The following GSPT1 variants were observed in gnomAD, a reference collection of about 807,000 sequenced individuals.
The protein encoded by GSPT1 is G1 to S phase transition 1.
A neutral mutation model predicts 72.5 loss-of-function variants in GSPT1; 20 were observed. The observed-to-expected ratio is 0.28, with a 90% CI of 0.19 to 0.40. GSPT1 has a LOEUF of 0.40. Ranked by LOEUF, GSPT1 falls within the 10% of genes least tolerant of loss-of-function variation. The pLI is 1.00. For missense variants in GSPT1, 580 were observed against 811.9 expected (o/e 0.71, Z 3.47); for synonymous variants, 334 against 293.5 (o/e 1.14, Z -1.41).
chr16:11,911,488 A>G (rs1038249971), intron 1 of GSPT1, among the ~76,000 whole-genome samples: 2 of 151,574 alleles, frequency 1.3e-5, no homozygotes, highest in African/African-American at 4.8e-5. Context: ...TGGGCTCAAG[A>G]GATCCTCCCA....
chr16:11,887,541 T>A (rs767855420), intron 7 of GSPT1, 29 bp downstream of exon 7: 5 of 1,587,654 alleles, frequency 3.1e-6, no homozygotes, highest in Non-Finnish European at 4.3e-6. Context: ...CTAACAAATA[T>A]ACAGATGGAC....
At chr16:11,891,188 C>A in intron 5 of GSPT1, 49 bp from the exon 6 acceptor site, 1 of 965,812 alleles carries the variant, frequency 1.0e-6, no homozygotes, top group Non-Finnish European at 1.5e-6. Flanking sequence ...TCACAAATTA[C>A]TCAGTGGAAT....
Position 11,891,079 on chromosome 16 carries a change from C to A in GSPT1, c.759G>T (p.Glu253Asp), listed in dbSNP as rs2054252557. Reference protein sequence around the residue: ...TLEKYEREAKEKNRETWYLSW... With the variant: ...TLEKYEREAKDKNRETWYLSW... The stretch of plus-strand genomic sequence containing the variant: ...TACTATACCAAGTTTCTCTGTTTTT[C>A]TCTTTAGCTTCTCTTTCATACTTTT... Residue 253 changes from glutamate (E) to aspartate (D), a missense_variant, in exon 6 of 15, where the codon GAG becomes GAT. Physicochemically the swap from Glu to Asp is conservative, Grantham distance 45. Transcript: ENST00000434724. 6.7e-7 allele frequency: 1 copy of A among 1,481,870 alleles called. No homozygotes were observed. Among genetic ancestry groups the A allele is most frequent in the Admixed American group, 2.1e-5 (1 of 47,698 alleles). The allele number at this position is 1,481,870 out of a possible 1,614,324, so 91.8% of individuals were successfully genotyped here. A position where few individuals can be genotyped will look rare whatever the true frequency, so the allele number is the denominator to read the frequency against.
At chr16:11,892,531 A>AAAAAAAAAAAATAAAAAAAT (rs1567443313) in intron 5 of GSPT1, among the ~76,000 whole-genome samples, 5 of 139,864 alleles carry the variant, frequency 3.6e-5, no homozygotes, top group African/African-American at 1.4e-4. Context: ...AACAAAAAAA[A>AAAAAAAAAAAATAAAAAAAT]CAAAAAATAA....
At chr16:11,913,224 C>T (rs1422186286) in intron 1 of GSPT1, among the ~76,000 whole-genome samples, 1 of 152,202 alleles carries the variant, frequency 6.6e-6, no homozygotes, top group Non-Finnish European at 1.5e-5. Flanking sequence ...ATCCAACAGT[C>T]TCAATATAAC....
chr16:11,887,239 G>T (rs1282910580), intron 7 of GSPT1, among the ~76,000 whole-genome samples: 2 of 151,962 alleles, frequency 1.3e-5, no homozygotes, highest in African/African-American at 2.4e-5. Context: ...TGTGAAAAGC[G>T]CAAAATGACT....
chr16:11,880,371 G>A (rs1334348369), intron 11 of GSPT1: 2 of 152,148 alleles, frequency 1.3e-5, no homozygotes, highest in African/African-American at 4.8e-5. Flanking sequence ...GGAAATCTAT[G>A]TTTAATTTTT....
Position 11,875,085 on chromosome 16 carries a change from A to G in GSPT1, c.1861+676T>C, listed in dbSNP as rs577826540. Among the ~76,000 whole-genome samples, 784 of 152,234 alleles carry G rather than the reference A, an allele frequency of 5.1e-3. 6 individuals are homozygous for G. The highest frequency in any genetic ancestry group is 8.1e-3 in the Non-Finnish European group (553 of 68,010). ...GCACCTATAGTCCCAGCTACTCGGG[A>G]GGCTGAGGCAGGAGAATGGCGTGAA... is the stretch of plus-strand genomic sequence containing the variant. On this transcript the variant is annotated intron_variant, in intron 14 of 14. Transcript: ENST00000434724.
chr16:11,894,050 G>A (rs2054302997), intron 5 of GSPT1, among the ~76,000 whole-genome samples: 2 of 150,090 alleles, frequency 1.3e-5, no homozygotes, highest in Admixed American at 6.7e-5. Flanking sequence ...CACCTGCTTG[G>A]GAGGCTGAGG....
intron 11 of GSPT1, chr16:11,881,322 T>G (rs2054119752): frequency 6.6e-6 from 1 of 152,228 alleles, no homozygotes; most frequent in Non-Finnish European, 1.5e-5. Context: ...TAGTATCAAG[T>G]GATAGCTTCC....
chr16:11,889,878 G>A (rs1231743917), intron 6 of GSPT1, among the ~76,000 whole-genome samples: 6 of 151,738 alleles, frequency 4.0e-5, no homozygotes, highest in African/African-American at 9.7e-5. Context: ...GACCTCAGGT[G>A]TGATCTGCCT....
rs894777829 is a variant in GSPT1, at chr16:11,869,560, C to G, written c.*3559G>C. 1.1e-4 allele frequency: 16 copies of G among 152,174 alleles called. No individual in the cohort carries two copies. The highest frequency in any genetic ancestry group is 3.6e-4 in the African/African-American group (15 of 41,440). The allele number at this position is 152,174 out of a possible 1,614,324, so 9.4% of individuals were successfully genotyped here. A position where few individuals can be genotyped will look rare whatever the true frequency, so the allele number is the denominator to read the frequency against. On this transcript the variant is annotated 3_prime_UTR_variant, in exon 15 of 15. Coordinates refer to ENST00000434724, the MANE Select transcript of GSPT1 (RefSeq NM_002094.4). ...TAAAATCAGAGCTATAGTGCTATAA[C>G]CACATTTTTCACAAAGGGTTTTAAA...
At chr16:11,889,237 G>A (rs1041935500) in intron 6 of GSPT1, among the ~76,000 whole-genome samples, 1 of 151,868 alleles carries the variant, frequency 6.6e-6, no homozygotes, top group African/African-American at 2.4e-5. Context: ...GAACCCAGGA[G>A]GTGGAGCTTG....
chr16:11,916,134 C>A, upstream of GSPT1: 1 of 396,984 alleles, frequency 2.5e-6, no homozygotes, highest in East Asian at 1.0e-4. Flanking sequence ...AGCGCCCGCG[C>A]TACCCCGCTG....
In GSPT1 at chr16:11,889,611, G is replaced by A. The variant is rs1367308256; in HGVS notation, c.776+1451C>T. Among the ~76,000 whole-genome samples the A allele has an allele frequency of 2.7e-5, 4 of 150,600 alleles. No individual in the cohort carries two copies. The South Asian group carries it at 8.4e-4, about 32-fold the overall frequency. On this transcript the variant is annotated intron_variant, in intron 6 of 14. Transcript: ENST00000434724. ...CAACCTCCGCCTCCCAGGTTCAAGT[G>A]ATTCTCCTGCCTCAGCCCCCCGAGT...
intron 11 of GSPT1, among the ~76,000 whole-genome samples, chr16:11,878,588 T>C (rs1469071770): frequency 2.3e-5 from 3 of 128,492 alleles, no homozygotes; most frequent in Non-Finnish European, 4.7e-5. Context: ...AGCGAGACCC[T>C]GTCTTTAAAA....
chr16:11,894,194 A>T (rs1459659524), intron 5 of GSPT1, among the ~76,000 whole-genome samples: 2 of 125,580 alleles, frequency 1.6e-5, no homozygotes, highest in Non-Finnish European at 3.5e-5. Context: ...AAAAAAAAAA[A>T]ATTTAACTAG....
chr16:11,916,086 T>C, upstream of GSPT1: 3 of 504,870 alleles, frequency 5.9e-6, no homozygotes, highest in Non-Finnish European at 1.1e-5. Flanking sequence ...CGTTTCCGGC[T>C]ATTTAGCGCG....
intron 1 of GSPT1, among the ~76,000 whole-genome samples, chr16:11,914,399 C>T (rs2054599863): frequency 6.6e-6 from 1 of 152,116 alleles, no homozygotes; most frequent in South Asian, 2.1e-4. Context: ...CTTAAGCAAC[C>T]CCTAAGTACG....
Sources: allele counts gnomAD v4.1 joint callset (sites outside exome capture counted in the v4.1 genomes callset), GRCh38; gene constraint gnomAD v4.1.1; transcripts MANE v1.5; gene names NCBI Gene and HGNC (gene_info 2026-07-23, HGNC 2026-07-21).